Variants in WWOX observed in about 807,000 individuals in gnomAD.
WWOX encodes the protein WW domain-containing oxidoreductase.
WWOX carries 69 observed loss-of-function variants against 46.2 expected under a neutral mutation model. That is an observed-to-expected ratio of 1.49 (90% CI 1.23 to 1.82). The LOEUF (loss-of-function observed/expected upper bound fraction) is 1.82. Ranked by LOEUF, WWOX falls within the 40% of genes most tolerant of loss-of-function variation. The probability of loss-of-function intolerance (pLI) is 0.00; values close to 1 mark genes in which losing one functional copy is unlikely to be tolerated. For missense variants in WWOX, 919 were observed against 542.6 expected (o/e 1.69, Z -6.89); for synonymous variants, 359 against 202.6 (o/e 1.77, Z -6.56).
intron 8 of WWOX, among the ~76,000 whole-genome samples, chr16:79,019,579 A>C (rs374656611): frequency 6.6e-6 from 1 of 152,014 alleles, no homozygotes; most frequent in Admixed American, 6.6e-5. Context: ...TAGGGGAAAA[A>C]ACAAAAGCAG....
At chr16:78,721,312 C>T (rs1160906164) in intron 8 of WWOX, among the ~76,000 whole-genome samples, 2 of 152,150 alleles carry the variant, frequency 1.3e-5, no homozygotes, top group Non-Finnish European at 2.9e-5. Context: ...CCCTTTTCTT[C>T]TTCAGGCTTT....
At chr16:78,500,200 T>C (rs1343095609) in intron 8 of WWOX, among the ~76,000 whole-genome samples, 1 of 152,160 alleles carries the variant, frequency 6.6e-6, no homozygotes, top group Non-Finnish European at 1.5e-5. Flanking sequence ...GCAGTACTAA[T>C]TGTGTGTGTG....
intron 8 of WWOX, among the ~76,000 whole-genome samples, chr16:78,615,016 C>T (rs770314143): frequency 5.9e-5 from 9 of 152,164 alleles, no homozygotes; most frequent in Non-Finnish European, 1.0e-4. Flanking sequence ...CCTCCCTAAT[C>T]TTGCTAGAAG....
chr16:78,371,694 A>G (rs999735359), intron 5 of WWOX, among the ~76,000 whole-genome samples: 1 of 151,592 alleles, frequency 6.6e-6, no homozygotes, highest in Admixed American at 6.6e-5. Flanking sequence ...TTTAGTGTTT[A>G]GTGTTTTTTA....
chr16:78,623,836 C>T (rs951626890), intron 8 of WWOX, among the ~76,000 whole-genome samples: 1 of 151,990 alleles, frequency 6.6e-6, no homozygotes, highest in Non-Finnish European at 1.5e-5. Flanking sequence ...TACTGGGATT[C>T]ATACGGACAT....
intron 8 of WWOX, among the ~76,000 whole-genome samples, chr16:78,727,693 T>A (rs4340337): frequency 0.66 from 100,938 of 152,040 alleles, 35,288 homozygotes; most frequent in African/African-American, 0.9. Flanking sequence ...CAGTAACAAC[T>A]GAAAGGCTAA....
intron 8 of WWOX, chr16:78,551,646 C>T (rs1453751297): frequency 6.7e-6 from 1 of 149,368 alleles, no homozygotes; most frequent in African/African-American, 2.6e-5. Flanking sequence ...ATGCCACTGC[C>T]CCCGCCCCAC....
At chr16:78,957,827 G>A (rs1361812699) in intron 8 of WWOX, among the ~76,000 whole-genome samples, 1 of 152,146 alleles carries the variant, frequency 6.6e-6, no homozygotes, top group African/African-American at 2.4e-5. Flanking sequence ...GCGCTGGTGC[G>A]GCTGGCCCAC....
At chr16:79,181,603 C>G (rs1234232748) in intron 8 of WWOX, among the ~76,000 whole-genome samples, 1 of 151,856 alleles carries the variant, frequency 6.6e-6, no homozygotes, top group East Asian at 1.9e-4. Context: ...ATAGTTGTAC[C>G]AAAGTTTGCT....
intron 8 of WWOX, among the ~76,000 whole-genome samples, chr16:78,543,297 TC>T (rs2151530721): frequency 6.7e-6 from 1 of 150,048 alleles, no homozygotes; most frequent in South Asian, 2.2e-4. Context: ...GCTAGGCCAG[TC>T]ACGTGGCCCT....
intron 5 of WWOX, among the ~76,000 whole-genome samples, chr16:78,213,501 T>A (rs28633651): frequency 1.3e-5 from 2 of 151,780 alleles, no homozygotes; most frequent in African/African-American, 4.8e-5. Flanking sequence ...AGGATACTTA[T>A]GAGCAGCGCT....
At chr16:79,096,530 T>A (rs749317045) in intron 8 of WWOX, among the ~76,000 whole-genome samples, 1 of 152,134 alleles carries the variant, frequency 6.6e-6, no homozygotes, top group Non-Finnish European at 1.5e-5. Context: ...CCATCCTTTC[T>A]CTGTTACCTT....
At chr16:79,027,118 A>G (rs112078691) in intron 8 of WWOX, among the ~76,000 whole-genome samples, 18,691 of 151,206 alleles carry the variant, frequency 0.12, 1,452 homozygotes, top group African/African-American at 0.17. Flanking sequence ...CATCTCTACA[A>G]AAAATAAAAT....
At chr16:78,565,170 A>G (rs922640242) in intron 8 of WWOX, among the ~76,000 whole-genome samples, 1 of 152,234 alleles carries the variant, frequency 6.6e-6, no homozygotes, top group East Asian at 1.9e-4. Context: ...CTAAGTTTGA[A>G]GTCTAACTCC....
intron 8 of WWOX, among the ~76,000 whole-genome samples, chr16:78,928,329 A>C (rs1475190343): frequency 6.6e-6 from 1 of 150,666 alleles, no homozygotes; most frequent in Non-Finnish European, 1.5e-5. Context: ...CAGCCTCCCG[A>C]GTAGCTGGGA....
At chr16:78,204,827 A>C (rs1371324081) in intron 5 of WWOX, among the ~76,000 whole-genome samples, 5 of 152,204 alleles carry the variant, frequency 3.3e-5, no homozygotes, top group African/African-American at 1.2e-4. Context: ...ATGGAAGCAA[A>C]GTTAGACCCT....
Position 78,965,551 on chromosome 16 carries a change from C to T in WWOX, c.1057-246057C>T, listed in dbSNP as rs77411220. Among the ~76,000 whole-genome samples, 503 of 148,586 alleles carry T rather than the reference C, an allele frequency of 3.4e-3. 1 individual carries two copies. The highest frequency in any genetic ancestry group is 0.012 in the African/African-American group (466 of 40,042). On this transcript the variant is annotated intron_variant, in intron 8 of 8. Coordinates refer to ENST00000566780, the MANE Select transcript of WWOX (RefSeq NM_016373.4). Reference sequence around the variant, plus strand: ...CACCATTGCACTCCAGCCTGGGTAACGAGCAAAACTCCATCTTAAAAAAAA... The same window carrying T: ...CACCATTGCACTCCAGCCTGGGTAATGAGCAAAACTCCATCTTAAAAAAAA...
At chr16:78,817,199 T>TTTC (rs1567580621) in intron 8 of WWOX, among the ~76,000 whole-genome samples, 1 of 144,602 alleles carries the variant, frequency 6.9e-6, no homozygotes, top group Admixed American at 6.9e-5. Context: ...TTTTTTTTTT[T>TTTC]CCTTCTTCAA....
chr16:78,845,438 C>A (rs1400955640), intron 8 of WWOX, among the ~76,000 whole-genome samples: 1 of 152,140 alleles, frequency 6.6e-6, no homozygotes, highest in Non-Finnish European at 1.5e-5. Flanking sequence ...AAACTGGAGT[C>A]AACTGTCAAA....
Sources: gnomAD v4.1 joint callset for allele counts (sites outside exome capture counted in the v4.1 genomes callset) on GRCh38, gnomAD v4.1.1 for gene constraint, MANE v1.5 for transcripts, NCBI Gene and HGNC (gene_info 2026-07-23, HGNC 2026-07-21) for gene names.